The following ERBIN variants were observed in gnomAD, a reference collection of about 807,000 sequenced individuals.
The protein encoded by ERBIN is erbb2 interacting protein.
ERBIN carries 60 observed loss-of-function variants against 158.4 expected under a neutral mutation model. That is an observed-to-expected ratio of 0.38 (90% CI 0.31 to 0.47). The LOEUF is 0.47. ERBIN is among the 20% of genes least tolerant of loss of function. The pLI is 0.99. For missense variants in ERBIN, 1,610 were observed against 1,648.0 expected (o/e 0.98, Z 0.40); for synonymous variants, 594 against 557.2 (o/e 1.07, Z -0.93).
intron 14 of ERBIN, among the ~76,000 whole-genome samples, chr5:66,038,102 A>G (rs1258596180): frequency 1.3e-5 from 2 of 152,194 alleles, no homozygotes; most frequent in African/African-American, 4.8e-5. Context: ...CGGACTATGG[A>G]TAAACTTAGT....
intron 1 of ERBIN, among the ~76,000 whole-genome samples, chr5:65,970,260 GCTAA>G (rs1749099203): frequency 2.0e-5 from 3 of 152,152 alleles, no homozygotes; most frequent in Non-Finnish European, 4.4e-5. Context: ...GCTCTGCATT[GCTAA>G]CTGAGTGATC....
intron 14 of ERBIN, among the ~76,000 whole-genome samples, chr5:66,034,298 T>C (rs1415343993): frequency 2.7e-5 from 4 of 149,924 alleles, no homozygotes; most frequent in African/African-American, 9.8e-5. Context: ...TCATAGCTGT[T>C]TTTTTTTTTA....
intron 21 of ERBIN, chr5:66,069,063 GAAAACCCC>G (rs1309903570): frequency 7.1e-7 from 1 of 1,417,448 alleles, no homozygotes; most frequent in South Asian, 1.6e-5. Flanking sequence ...TTGTAGAAGA[GAAAACCCC>G]AAATTTTAAG....
intron 9 of ERBIN, among the ~76,000 whole-genome samples, 184 bp from the exon 10 acceptor site, chr5:66,024,122 A>C (rs1755992431): frequency 1.3e-5 from 2 of 152,228 alleles, no homozygotes; most frequent in Admixed American, 1.3e-4. Flanking sequence ...TGCTACAATT[A>C]GTAGAACATC....
At chr5:66,009,811 T>G (rs1403514711) in intron 4 of ERBIN, among the ~76,000 whole-genome samples, 1 of 152,152 alleles carries the variant, frequency 6.6e-6, no homozygotes, top group African/African-American at 2.4e-5. Context: ...AATGACTTTT[T>G]TCCATTCAAA....
chr5:65,969,961 A>T (rs1266389371), intron 1 of ERBIN, among the ~76,000 whole-genome samples: 12 of 152,220 alleles, frequency 7.9e-5, no homozygotes, highest in Non-Finnish European at 1.6e-4. Flanking sequence ...TTTAATATTA[A>T]GCATGATAAA....
In ERBIN at chr5:66,053,536, C is replaced by T. The variant is rs917289252; in HGVS notation, c.2218C>T (p.Arg740Ter). 4 of 1,611,220 alleles carry T rather than the reference C, an allele frequency of 2.5e-6. No homozygotes were observed. The highest frequency in any genetic ancestry group is 3.4e-6 in the Non-Finnish European group (4 of 1,179,210). The change falls in exon 21 of 26, where the codon CGA (arginine) becomes TGA (stop). Residue 740 changes from arginine (R) to a stop codon, truncating the protein, a stop_gained. Coordinates refer to ENST00000284037, the MANE Select transcript of ERBIN (RefSeq NM_001253697.2). LOFTEE classifies it high-confidence loss of function. ...LPEYDLNVEE[R>*]LVLIEKSVDS... ...TGAATATGATTTGAATGTTGAAGAGCGATTAGTTCTAATTGAGAAAAGTGT... is the reference window on the plus strand; with the variant it reads ...TGAATATGATTTGAATGTTGAAGAGTGATTAGTTCTAATTGAGAAAAGTGT...
At chr5:66,003,995 G>C (rs1428202789) in intron 4 of ERBIN, among the ~76,000 whole-genome samples, 1 of 141,782 alleles carries the variant, frequency 7.1e-6, no homozygotes, top group Non-Finnish European at 1.5e-5. Flanking sequence ...CTGGAGTACA[G>C]TGGCATGATC....
chr5:66,036,212 T>A (rs1040814024), intron 14 of ERBIN, among the ~76,000 whole-genome samples: 2 of 152,216 alleles, frequency 1.3e-5, no homozygotes, highest in Non-Finnish European at 2.9e-5. Context: ...GGTCTCTGCC[T>A]CCAGTGTTGC....
At chr5:65,982,801 C>T (rs574847975) in intron 1 of ERBIN, among the ~76,000 whole-genome samples, 6 of 152,184 alleles carry the variant, frequency 3.9e-5, no homozygotes, top group African/African-American at 1.4e-4. Context: ...GACTATGACT[C>T]AGCAGTTTCA....
intron 4 of ERBIN, 146 bp from the exon 5 acceptor site, chr5:66,011,899 ATTGT>A (rs1754246960): frequency 2.1e-6 from 1 of 481,348 alleles, no homozygotes; most frequent in Non-Finnish European, 3.8e-6. Context: ...TGTGCAGGTC[ATTGT>A]TTAGTTCACA....
chr5:65,956,073 G>T (rs548464666), intron 1 of ERBIN, among the ~76,000 whole-genome samples: 1 of 152,278 alleles, frequency 6.6e-6, no homozygotes, highest in South Asian at 2.1e-4. Context: ...ATCTGGAAAT[G>T]TATTCACCCC....
At chr5:65,967,565 G>A (rs1051049105) in intron 1 of ERBIN, among the ~76,000 whole-genome samples, 1 of 152,172 alleles carries the variant, frequency 6.6e-6, no homozygotes, top group Non-Finnish European at 1.5e-5. Context: ...TAGCCTAGAG[G>A]TGTAGTAGGT....
rs765420185 is a variant in ERBIN, at chr5:66,018,423, G to T, written c.534-2899G>T. On this transcript the variant is annotated intron_variant, in intron 7 of 25. Transcript: ENST00000284037. ...AGGTATGTTATATGTATATACCTAA[G>T]AATAAATTGATATATATAATATAAT... 1.8e-3 allele frequency among the ~76,000 whole-genome samples: 154 copies of T among 85,652 alleles called. 1 individual carries two copies. The highest frequency in any genetic ancestry group is 5.5e-3 in the African/African-American group (151 of 27,312). The allele number at this position is 85,652 out of a possible 152,430, so 56.2% of individuals were successfully genotyped here.
intron 1 of ERBIN, among the ~76,000 whole-genome samples, chr5:65,962,622 T>G (rs1261460004): frequency 6.6e-6 from 1 of 152,212 alleles, no homozygotes; most frequent in East Asian, 1.9e-4. Context: ...TTAAGTATCT[T>G]AAATTATTTT....
chr5:65,933,028 A>G (rs1743632362), intron 1 of ERBIN, among the ~76,000 whole-genome samples: 1 of 152,102 alleles, frequency 6.6e-6, no homozygotes. Context: ...CCTGGCCTCA[A>G]GCAGTCCTCC....
At chr5:66,018,188 G>C (rs1389150902) in intron 7 of ERBIN, among the ~76,000 whole-genome samples, 2 of 150,854 alleles carry the variant, frequency 1.3e-5, no homozygotes, top group Non-Finnish European at 3.0e-5. Flanking sequence ...ATACATTTTA[G>C]GATTTTAAAA....
intron 1 of ERBIN, among the ~76,000 whole-genome samples, chr5:65,935,369 C>T (rs1743949882): frequency 6.6e-6 from 1 of 150,990 alleles, no homozygotes; most frequent in Non-Finnish European, 1.5e-5. Flanking sequence ...TTCCCCTTTC[C>T]ATACTTGTAA....
chr5:66,063,392 C>T (rs748566815), intron 21 of ERBIN, among the ~76,000 whole-genome samples: 13 of 152,168 alleles, frequency 8.5e-5, no homozygotes, highest in Non-Finnish European at 1.5e-4. Context: ...GTTGGAAAAG[C>T]GCAGTATTAG....
Sources: allele counts gnomAD v4.1 joint callset (sites outside exome capture counted in the v4.1 genomes callset), GRCh38; gene constraint gnomAD v4.1.1; transcripts MANE v1.5; gene names NCBI Gene and HGNC (gene_info 2026-07-23, HGNC 2026-07-21).